The following UBE2L3 variants were observed in gnomAD, a reference collection of about 807,000 sequenced individuals.
The protein encoded by UBE2L3 is ubiquitin conjugating enzyme E2 L3.
UBE2L3 carries 1 observed loss-of-function variant against 17.8 expected under a neutral mutation model. The observed-to-expected ratio is 0.06, with a 90% CI of 0.02 to 0.27. The LOEUF is 0.27. Among genes scored for constraint, UBE2L3 ranks in the 10% least tolerant of loss-of-function variants. The pLI, the probability that UBE2L3 is intolerant of heterozygous loss-of-function variation, is 1.00. For synonymous variants in UBE2L3, 44 were observed against 68.5 expected (o/e 0.64, Z 1.76); for missense variants, 40 against 192.6 (o/e 0.21, Z 4.69).
chr22:21,574,446 T>C (rs1175551156), intron 1 of UBE2L3, among the ~76,000 whole-genome samples: 1 of 152,142 alleles, frequency 6.6e-6, no homozygotes, highest in African/African-American at 2.4e-5. Context: ...TTATTGGGAA[T>C]AACCAAGACA....
In UBE2L3 at chr22:21,567,729, C is replaced by T. The variant is rs376047001; in HGVS notation, c.-16C>T. On this transcript the variant is annotated 5_prime_UTR_variant, in exon 1 of 4. Transcript: ENST00000342192. ...GCCGCGATGCATTCTGGGGAAGGAG[C>T]AGCACCAAATCCAAGATGGCGGCCA... 2.5e-6 allele frequency: 4 copies of T among 1,579,312 alleles called. No homozygotes were observed. Among genetic ancestry groups the T allele is most frequent in the South Asian group, 1.2e-5 (1 of 85,990 alleles).
chr22:21,613,602 T>C (rs1929615152), intron 3 of UBE2L3, among the ~76,000 whole-genome samples: 1 of 152,226 alleles, frequency 6.6e-6, no homozygotes, highest in Non-Finnish European at 1.5e-5. Flanking sequence ...ATTCCCATGT[T>C]TGTTATCTAT....
chr22:21,617,570 T>C (rs2148448680), intron 3 of UBE2L3, among the ~76,000 whole-genome samples: 1 of 152,178 alleles, frequency 6.6e-6, no homozygotes, highest in East Asian at 1.9e-4. Context: ...CCCGGCCTGT[T>C]GTATGTTTTT....
At position 21,567,787 on chromosome 22, in the gene UBE2L3, T is replaced by C. The variant is rs1926712512; in HGVS notation, c.27+16T>C. ...GCTGATGAAGGTAAAAGCCATTCTC[T>C]GGCAGCGGCCGGGCGTGGGGCGGCG... On this transcript the variant is annotated intron_variant, in intron 1 of 3. Transcript: ENST00000342192. The C allele has an allele frequency of 1.9e-6, 3 of 1,577,726 alleles. No individual in the cohort carries two copies. The highest frequency in any genetic ancestry group is 2.6e-6 in the Non-Finnish European group (3 of 1,162,888).
chr22:21,597,775 A>ATGTTTTTT (rs1928615444), intron 2 of UBE2L3, among the ~76,000 whole-genome samples: 1 of 25,552 alleles, frequency 3.9e-5, no homozygotes, highest in Non-Finnish European at 6.9e-5. Context: ...TTATATGTAG[A>ATGTTTTTT]TTTTTTTTTT....
At chr22:21,567,684 G>C, upstream of UBE2L3, 1 of 1,555,454 alleles carries the variant, frequency 6.4e-7, no homozygotes, top group Admixed American at 2.0e-5. Flanking sequence ...GGAAGTGCGG[G>C]GGCTCCAGCC....
rs1930150122 is a variant in UBE2L3 at position 21,623,439 on chromosome 22, C to T, written c.*1770C>T. 1 of 152,794 alleles carries T rather than the reference C, an allele frequency of 6.5e-6. No homozygotes were observed. Among genetic ancestry groups the T allele is most frequent in the Admixed American group, 6.5e-5 (1 of 15,286 alleles). The allele number at this position is 152,794 out of a possible 1,614,324, so 9.5% of individuals were successfully genotyped here. Reference sequence around the variant, plus strand: ...AGAAAAGTGATGATGGATTTTATTTCACTCACACTCCAGTTTGTAATAAAA... The same window carrying T: ...AGAAAAGTGATGATGGATTTTATTTTACTCACACTCCAGTTTGTAATAAAA... On this transcript the variant is annotated 3_prime_UTR_variant, in exon 4 of 4. Transcript: ENST00000342192.
At chr22:21,593,109 A>C (rs1208983366) in intron 2 of UBE2L3, among the ~76,000 whole-genome samples, 153 bp downstream of exon 2, 1 of 151,964 alleles carries the variant, frequency 6.6e-6, no homozygotes, top group Non-Finnish European at 1.5e-5. Flanking sequence ...TAAGGTAGGG[A>C]GTGTAGCCTT....
At chr22:21,568,131 G>A (rs1201713966) in intron 1 of UBE2L3, 9 of 1,046,034 alleles carry the variant, frequency 8.6e-6, no homozygotes, top group Middle Eastern at 8.8e-4. Context: ...GGCGCCTTCG[G>A]GGAAGGCCCG....
At chr22:21,565,169 G>C (rs140487), upstream of UBE2L3, among the ~76,000 whole-genome samples, 2 of 151,838 alleles carry the variant, frequency 1.3e-5, no homozygotes, top group Non-Finnish European at 1.5e-5. Flanking sequence ...CTCCACTCAC[G>C]GCAAGCTCCG....
At chr22:21,583,837 T>C (rs1927776468) in intron 1 of UBE2L3, among the ~76,000 whole-genome samples, 1 of 152,246 alleles carries the variant, frequency 6.6e-6, no homozygotes, top group Non-Finnish European at 1.5e-5. Context: ...TTTACTCATA[T>C]AGAAGGTTGA....
At chr22:21,556,193 C>T (rs919767030) in intron 1 of UBE2L3, among the ~76,000 whole-genome samples, 4 of 152,144 alleles carry the variant, frequency 2.6e-5, no homozygotes, top group Admixed American at 6.5e-5. Context: ...AGTGAGTCAC[C>T]GCACTCCTGC....
chr22:21,558,970 A>C (rs1416074357), intron 1 of UBE2L3, among the ~76,000 whole-genome samples: 4 of 151,804 alleles, frequency 2.6e-5, no homozygotes, highest in Admixed American at 2.6e-4. Context: ...ATCTATGAGA[A>C]TGAGCTGCAG....
intron 2 of UBE2L3, among the ~76,000 whole-genome samples, chr22:21,602,795 C>T (rs960066252): frequency 1.7e-4 from 26 of 152,114 alleles, no homozygotes; most frequent in African/African-American, 5.8e-4. Flanking sequence ...GTGGAAGACT[C>T]GAGAAAAGGG....
intron 1 of UBE2L3, among the ~76,000 whole-genome samples, chr22:21,590,651 C>T (rs1187143747): frequency 6.6e-6 from 1 of 152,148 alleles, no homozygotes; most frequent in Non-Finnish European, 1.5e-5. Flanking sequence ...TTCTGTGTGG[C>T]ATATTTTTTT....
intron 1 of UBE2L3, among the ~76,000 whole-genome samples, chr22:21,576,912 C>G (rs558495109): frequency 1.4e-5 from 2 of 146,756 alleles, no homozygotes; most frequent in African/African-American, 5.1e-5. Flanking sequence ...AAGCAATTCT[C>G]CCTGCCTCAG....
intron 1 of UBE2L3, among the ~76,000 whole-genome samples, chr22:21,580,077 A>T (rs547683365): frequency 6.6e-6 from 1 of 152,358 alleles, no homozygotes; most frequent in East Asian, 1.9e-4. Flanking sequence ...AATATTGGTC[A>T]ATACTATTCC....
intron 1 of UBE2L3, among the ~76,000 whole-genome samples, chr22:21,576,010 T>C (rs368172262): frequency 3.9e-5 from 6 of 152,186 alleles, no homozygotes; most frequent in African/African-American, 1.4e-4. Flanking sequence ...ATTGTAAACA[T>C]CCAGTGTAGT....
intron 1 of UBE2L3, among the ~76,000 whole-genome samples, chr22:21,568,733 C>G (rs1926785214): frequency 6.6e-6 from 1 of 151,700 alleles, no homozygotes; most frequent in Admixed American, 6.6e-5. Context: ...TGCAACGGGC[C>G]GGAAATTAAA....
Sources: gnomAD v4.1 joint callset for allele counts (sites outside exome capture counted in the v4.1 genomes callset) on GRCh38, gnomAD v4.1.1 for gene constraint, MANE v1.5 for transcripts, NCBI Gene and HGNC (gene_info 2026-07-23, HGNC 2026-07-21) for gene names.